Variants in TRIM9 observed in about 807,000 individuals in gnomAD.
The protein encoded by TRIM9 is tripartite motif containing 9.
Under a neutral mutation model 78.3 loss-of-function variants are expected in TRIM9, and 26 were observed. That is an observed-to-expected ratio of 0.33 (90% confidence interval 0.24 to 0.46). TRIM9 has a LOEUF of 0.46. Among genes scored for constraint, TRIM9 ranks in the 20% least tolerant of loss-of-function variants. The pLI is 1.00. For synonymous variants in TRIM9, 398 were observed against 416.5 expected, an observed-to-expected ratio of 0.96 and a Z score of 0.54; for missense variants, 787 against 1,036.4, an observed-to-expected ratio of 0.76 and a Z score of 3.30.
chr14:51,012,692 C>T (rs576637120), intron 3 of TRIM9, among the ~76,000 whole-genome samples: 3 of 152,156 alleles, frequency 2.0e-5, no homozygotes, highest in Non-Finnish European at 4.4e-5. Context: ...ACAAGGGTTC[C>T]AATTTCTCCA....
chr14:50,982,271 T>C (rs2052042700), intron 10 of TRIM9, 168 bp from the exon 11 acceptor site: 2 of 699,826 alleles, frequency 2.9e-6, no homozygotes, highest in Admixed American at 2.8e-5. Flanking sequence ...GAGTTGGTAC[T>C]CTCTGCACCA....
In TRIM9 at chr14:51,086,868, G is replaced by A. The variant is rs974953527; in HGVS notation, c.822+7250C>T. 3.9e-5 allele frequency among the ~76,000 whole-genome samples: 6 copies of A among 152,272 alleles called. No individual in the cohort carries two copies. The South Asian group carries it at 1.0e-3, about 26-fold the overall frequency. The stretch of plus-strand genomic sequence containing the variant: ...TGAGACAGGCGTGTTGAGGAGGGGG[G>A]AAAAGTAAATGATGTTTATTTATTC... On this transcript the variant is annotated intron_variant, in intron 1 of 12. Transcript: ENST00000684578.
chr14:51,093,329 G>A (rs1269804961), intron 1 of TRIM9, among the ~76,000 whole-genome samples: 1 of 152,256 alleles, frequency 6.6e-6, no homozygotes. Context: ...TTGAATTCCG[G>A]AGAAGTGGGT....
intron 1 of TRIM9, among the ~76,000 whole-genome samples, chr14:51,071,710 G>A (rs896619888): frequency 2.0e-5 from 3 of 152,228 alleles, no homozygotes; most frequent in Non-Finnish European, 2.9e-5. Flanking sequence ...GGAGGCTGAG[G>A]TGGGAGGATT....
chr14:51,082,774 CA>C (rs1329816025), intron 1 of TRIM9, among the ~76,000 whole-genome samples: 1 of 151,016 alleles, frequency 6.6e-6, no homozygotes, highest in South Asian at 2.1e-4. Context: ...AGTTACATCT[CA>C]AAAAAAAAGT....
At chr14:51,032,571 G>A (rs564248220) in intron 1 of TRIM9, among the ~76,000 whole-genome samples, 1 of 152,324 alleles carries the variant, frequency 6.6e-6, no homozygotes, top group East Asian at 1.9e-4. Context: ...AGTAGGATTG[G>A]TTGAGGCCAT....
intron 1 of TRIM9, among the ~76,000 whole-genome samples, chr14:51,037,990 C>T (rs565636710): frequency 6.6e-6 from 1 of 152,304 alleles, no homozygotes; most frequent in South Asian, 2.1e-4. Flanking sequence ...GGTTCAATCT[C>T]CTGCATGTGA....
intron 1 of TRIM9, among the ~76,000 whole-genome samples, chr14:51,049,687 G>A (rs143863294): frequency 0.011 from 1,613 of 151,964 alleles, 22 homozygotes; most frequent in African/African-American, 0.037. Flanking sequence ...TTAGTTGGGT[G>A]TGGTGGTGGG....
At chr14:51,013,793 G>T (rs893446193) in intron 3 of TRIM9, among the ~76,000 whole-genome samples, 1 of 152,030 alleles carries the variant, frequency 6.6e-6, no homozygotes, top group Non-Finnish European at 1.5e-5. Context: ...ATAACAGGAA[G>T]GTTAGGCTTC....
At chr14:51,019,175 C>A (rs1013322504) in intron 3 of TRIM9, among the ~76,000 whole-genome samples, 4 of 152,242 alleles carry the variant, frequency 2.6e-5, no homozygotes, top group Admixed American at 6.5e-5. Flanking sequence ...GATGTTAACA[C>A]AATGGACAGA....
In TRIM9 at chr14:50,986,161, T is replaced by C; in HGVS notation, c.1604-17A>G. The C allele has an allele frequency of 6.7e-7, 1 of 1,481,950 alleles. No individual in the cohort carries two copies. The highest frequency in any genetic ancestry group is 1.4e-5 in the South Asian group (1 of 71,926). 91.8% of individuals were successfully genotyped at this position (1,481,950 alleles called of 1,614,324 possible). ...AATCTGTGTCTAAATGTAAGATCAA[T>C]GCAAACTAGAGATCAGAAGTCTGCT... On this transcript the variant is annotated splice_polypyrimidine_tract_variant and intron_variant, in intron 7 of 12. Transcript: ENST00000684578.
At chr14:51,082,344 AG>A (rs2063379108) in intron 1 of TRIM9, among the ~76,000 whole-genome samples, 2 of 152,350 alleles carry the variant, frequency 1.3e-5, no homozygotes, top group South Asian at 4.1e-4. Context: ...AAAAAGTGGA[AG>A]TAACCCAAAT....
intron 7 of TRIM9, chr14:50,996,651 G>A (rs2139464236): frequency 1.0e-6 from 1 of 985,396 alleles, no homozygotes; most frequent in Non-Finnish European, 1.2e-6. Flanking sequence ...GTTGCATCTA[G>A]GAAAGACTCT....
chr14:51,086,479 C>T (rs867520350), intron 1 of TRIM9, among the ~76,000 whole-genome samples: 3 of 152,044 alleles, frequency 2.0e-5, no homozygotes, highest in Non-Finnish European at 2.9e-5. Context: ...TTTAAAATAC[C>T]GGGTTATATT....
chr14:51,023,230 T>G (rs1020257138), intron 2 of TRIM9, among the ~76,000 whole-genome samples: 2 of 152,182 alleles, frequency 1.3e-5, no homozygotes, highest in Admixed American at 6.5e-5. Context: ...AAACAAAGCT[T>G]TAGTTCATAG....
chr14:51,038,936 T>C (rs903907528), intron 1 of TRIM9, among the ~76,000 whole-genome samples: 1 of 152,242 alleles, frequency 6.6e-6, no homozygotes, highest in Non-Finnish European at 1.5e-5. Flanking sequence ...ACTGTTCTTA[T>C]CATCAGCTAA....
chr14:50,979,069 C>G, intron 12 of TRIM9: 1 of 1,321,398 alleles, frequency 7.6e-7, no homozygotes, highest in South Asian at 2.5e-5. Context: ...GTTTTCATGC[C>G]AGTTGGTTAA....
At chr14:51,047,990 C>T (rs559139108) in intron 1 of TRIM9, among the ~76,000 whole-genome samples, 6 of 151,886 alleles carry the variant, frequency 4.0e-5, no homozygotes, top group African/African-American at 1.2e-4. Flanking sequence ...TTACCAAATC[C>T]GTTAAGTGCA....
intron 12 of TRIM9, 154 bp downstream of exon 12, chr14:50,979,233 C>T (rs2051480785): frequency 1.3e-6 from 2 of 1,489,424 alleles, no homozygotes; most frequent in African/African-American, 1.4e-5. Flanking sequence ...AATAAGTTGC[C>T]AGTGCTGATC....
Sources: gnomAD v4.1 joint callset for allele counts (sites outside exome capture counted in the v4.1 genomes callset) on GRCh38, gnomAD v4.1.1 for gene constraint, MANE v1.5 for transcripts, NCBI Gene and HGNC (gene_info 2026-07-23, HGNC 2026-07-21) for gene names.